Variants in SUSD1 observed in about 807,000 individuals in gnomAD.
SUSD1 encodes the protein sushi domain containing 1.
SUSD1 carries 65 observed loss-of-function variants against 86.9 expected under a neutral mutation model. The observed-to-expected ratio is 0.75, with a 90% CI of 0.61 to 0.92. The LOEUF is 0.92. Ranked by LOEUF, SUSD1 falls within the 40% of genes least tolerant of loss-of-function variation. The pLI, the probability that SUSD1 is intolerant of heterozygous loss-of-function variation, is 0.00. For missense variants in SUSD1, 850 were observed against 929.7 expected, an observed-to-expected ratio of 0.91 and a Z score of 1.11; for synonymous variants, 346 against 350.0, an observed-to-expected ratio of 0.99 and a Z score of 0.13.
intron 10 of SUSD1, among the ~76,000 whole-genome samples, chr9:112,084,303 C>T (rs773367976): frequency 2.8e-4 from 42 of 152,082 alleles, no homozygotes; most frequent in Admixed American, 6.5e-4. Flanking sequence ...TGATAGAATA[C>T]TGTGCTTCCC....
Position 112,113,833 on chromosome 9 carries a change from G to T in SUSD1, c.887-965C>A, listed in dbSNP as rs1049893850. ...TGTAATCTCAACTACCTGGGAGGCT[G>T]AGGCAGGAGAATCACTTGAACCTGG... On this transcript the variant is annotated intron_variant, in intron 6 of 16. Coordinates refer to ENST00000374270, the MANE Select transcript of SUSD1 (RefSeq NM_022486.5). The surrounding 1 kb of genome is among the most constrained non-coding windows in gnomAD (Gnocchi z 4.1). Among the ~76,000 whole-genome samples, 6 of 152,154 alleles carry T rather than the reference G, an allele frequency of 3.9e-5. No homozygotes were observed. Among genetic ancestry groups the T allele is most frequent in the African/African-American group, 1.4e-4 (6 of 41,440 alleles).
chr9:112,045,853 T>C (rs1350873323), intron 15 of SUSD1, among the ~76,000 whole-genome samples: 2 of 152,328 alleles, frequency 1.3e-5, no homozygotes, highest in East Asian at 1.9e-4. Flanking sequence ...GCTACATCCA[T>C]GTTGGAAGAC....
At position 112,149,332 on chromosome 9, in the gene SUSD1, G is replaced by T; in HGVS notation, c.285C>A (p.Pro95=). ...CGNHTSCHNT[P]GGFYCICLEG... is the part of the protein sequence containing the mutation. ...CCAGGCAAATGCAATAGAAGCCCCC[G>T]GGGGTGTTGTGGCAAGATGTGTGGT... The change falls in exon 3 of 17, where the codon CCC becomes CCA. Residue 95 remains proline, a synonymous_variant. Coordinates refer to ENST00000374270, the MANE Select transcript of SUSD1 (RefSeq NM_022486.5). The T allele has an allele frequency of 6.2e-7, 1 of 1,614,120 alleles. No individual in the cohort carries two copies. Among genetic ancestry groups the T allele is most frequent in the Non-Finnish European group, 8.5e-7 (1 of 1,180,026 alleles).
At chr9:112,053,907 G>C (rs1391062399) in intron 14 of SUSD1, among the ~76,000 whole-genome samples, 5 of 152,226 alleles carry the variant, frequency 3.3e-5, no homozygotes, top group Non-Finnish European at 5.9e-5. Context: ...AGTCTGAGCA[G>C]TGCAGACAAA....
intron 15 of SUSD1, among the ~76,000 whole-genome samples, chr9:112,048,376 T>C (rs1349365197): frequency 1.3e-5 from 2 of 152,224 alleles, no homozygotes; most frequent in Non-Finnish European, 2.9e-5. Flanking sequence ...ATTGTGTGCA[T>C]GTATATATGT....
At chr9:112,046,366 A>G (rs1320455013) in intron 15 of SUSD1, among the ~76,000 whole-genome samples, 1 of 152,148 alleles carries the variant, frequency 6.6e-6, no homozygotes, top group Admixed American at 6.5e-5. Flanking sequence ...ATATTTTTTT[A>G]CAAACCCAAG....
At chr9:112,053,505 C>T (rs1408064950) in intron 14 of SUSD1, among the ~76,000 whole-genome samples, 3 of 83,752 alleles carry the variant, frequency 3.6e-5, no homozygotes, top group Non-Finnish European at 2.0e-5. Flanking sequence ...CAGAATGAGA[C>T]TTCGTCTCAA....
intron 1 of SUSD1, among the ~76,000 whole-genome samples, chr9:112,171,023 A>G (rs562660971): frequency 6.6e-6 from 1 of 152,274 alleles, no homozygotes; most frequent in African/African-American, 2.4e-5. Flanking sequence ...CATATATTAA[A>G]ATAGAAGTCT....
intron 8 of SUSD1, among the ~76,000 whole-genome samples, chr9:112,110,902 AC>A (rs576932453): frequency 6.0e-5 from 9 of 150,790 alleles, no homozygotes; most frequent in Non-Finnish European, 8.9e-5. Context: ...CCACTTCCCC[AC>A]TCTCAACTTG....
chr9:112,064,433 C>T (rs944441943), intron 12 of SUSD1, among the ~76,000 whole-genome samples: 11 of 152,202 alleles, frequency 7.2e-5, no homozygotes, highest in African/African-American at 2.7e-4. Context: ...CCGAAACCAT[C>T]CCCCTACCCA....
At chr9:112,125,417 T>C (rs1251364879) in intron 5 of SUSD1, among the ~76,000 whole-genome samples, 1 of 152,122 alleles carries the variant, frequency 6.6e-6, no homozygotes, top group Admixed American at 6.5e-5. Flanking sequence ...CATACTAATG[T>C]TTCATGTCAC....
At chr9:112,128,073 T>G (rs752332630) in intron 5 of SUSD1, among the ~76,000 whole-genome samples, 1 of 151,850 alleles carries the variant, frequency 6.6e-6, no homozygotes, top group African/African-American at 2.4e-5. Context: ...AAAAAACTTT[T>G]TTTGTTTGTT....
At chr9:112,057,969 T>C (rs1828524953) in intron 14 of SUSD1, among the ~76,000 whole-genome samples, 1 of 152,192 alleles carries the variant, frequency 6.6e-6, no homozygotes, top group Non-Finnish European at 1.5e-5. Flanking sequence ...AAGAGCTTTC[T>C]AAGGACTGTA....
chr9:112,165,624 G>A (rs1248582509), intron 1 of SUSD1, among the ~76,000 whole-genome samples: 6 of 151,460 alleles, frequency 4.0e-5, no homozygotes, highest in African/African-American at 7.3e-5. Context: ...TGGCCAGGCT[G>A]GTCTTGAACT....
chr9:112,165,944 A>AC lies in SUSD1; in HGVS notation c.104-8332_104-8331insG, dbSNP rs1833795893. 5.8e-5 allele frequency among the ~76,000 whole-genome samples: 8 copies of AC among 137,426 alleles called. 1 individual carries two copies. The highest frequency in any genetic ancestry group is 2.3e-4 in the African/African-American group (8 of 34,766). 90.2% of individuals were successfully genotyped at this position (137,426 alleles called of 152,430 possible). ...AAGAAAAGAAAGAAAGAAAGAAAGA[A>AC]GAAAGAAAGAAAGAAAGAAAGAAAG... is the stretch of plus-strand genomic sequence containing the variant. On this transcript the variant is annotated intron_variant, in intron 1 of 16. Transcript: ENST00000374270.
intron 9 of SUSD1, among the ~76,000 whole-genome samples, chr9:112,100,408 G>A (rs1325626107): frequency 5.3e-5 from 8 of 151,682 alleles, no homozygotes; most frequent in East Asian, 2.0e-4. Context: ...GGATGGTCTC[G>A]ATCTCCTGAC....
At chr9:112,079,792 A>C (rs2131557860) in intron 11 of SUSD1, among the ~76,000 whole-genome samples, 1 of 152,220 alleles carries the variant, frequency 6.6e-6, no homozygotes, top group African/African-American at 2.4e-5. Flanking sequence ...TAGCAGAGAC[A>C]GAGTTTCACC....
At chr9:112,051,441 T>G (rs966767954) in intron 15 of SUSD1, among the ~76,000 whole-genome samples, 1 of 143,496 alleles carries the variant, frequency 7.0e-6, no homozygotes, top group African/African-American at 2.6e-5. Context: ...TTTGTTGTTG[T>G]TGTTGTTGAG....
At chr9:112,145,609 G>C (rs1186718596) in intron 3 of SUSD1, among the ~76,000 whole-genome samples, 5 of 152,076 alleles carry the variant, frequency 3.3e-5, no homozygotes, top group Admixed American at 2.0e-4. Context: ...TGACATTTTA[G>C]CCCCCAAAAG....
Sources: allele counts gnomAD v4.1 joint callset (sites outside exome capture counted in the v4.1 genomes callset), GRCh38; gene constraint gnomAD v4.1.1; non-coding constraint Gnocchi (gnomAD v3.1); transcripts MANE v1.5; gene names NCBI Gene and HGNC (gene_info 2026-07-23, HGNC 2026-07-21).